Variants in SLCO5A1 observed in about 807,000 individuals in gnomAD.
SLCO5A1 encodes solute carrier organic anion transporter family member 5A1.
A neutral mutation model predicts 65.1 loss-of-function variants in SLCO5A1; 39 were observed. The ratio of observed to expected loss-of-function variants is 0.60; its 90% CI spans 0.46 to 0.78. SLCO5A1 has a LOEUF of 0.78. Ranked by LOEUF, SLCO5A1 falls within the 30% of genes least tolerant of loss-of-function variation. The pLI is 0.00. For synonymous variants in SLCO5A1, 438 were observed against 415.7 expected, an observed-to-expected ratio of 1.05 and a Z score of -0.65; for missense variants, 1,029 against 1,069.4, an observed-to-expected ratio of 0.96 and a Z score of 0.53.
At chr8:69,802,113 G>A (rs1460199911) in intron 2 of SLCO5A1, among the ~76,000 whole-genome samples, 3 of 152,064 alleles carry the variant, frequency 2.0e-5, no homozygotes, top group Non-Finnish European at 4.4e-5. Flanking sequence ...TCATGGTCAC[G>A]TAAATTTGAG....
At chr8:69,728,996 G>A (rs1391280511) in intron 5 of SLCO5A1, among the ~76,000 whole-genome samples, 1 of 152,138 alleles carries the variant, frequency 6.6e-6, no homozygotes, top group Non-Finnish European at 1.5e-5. Flanking sequence ...ATATACGACT[G>A]ATCCGAGGTC....
At chr8:69,742,950 G>C (rs1402318986) in intron 4 of SLCO5A1, among the ~76,000 whole-genome samples, 7 of 151,880 alleles carry the variant, frequency 4.6e-5, no homozygotes, top group Non-Finnish European at 1.0e-4. Flanking sequence ...ACAGACACTT[G>C]CCACCATGCC....
intron 2 of SLCO5A1, among the ~76,000 whole-genome samples, chr8:69,819,510 GC>G (rs947630664): frequency 1.3e-5 from 2 of 152,160 alleles, no homozygotes; most frequent in African/African-American, 4.8e-5. Flanking sequence ...TGATATTTTG[GC>G]CTCCATGTGC....
At position 69,679,502 on chromosome 8, in the gene SLCO5A1, C is replaced by T. The variant is rs1388157571; in HGVS notation, c.1900G>A (p.Gly634Ser). 6.2e-6 allele frequency: 10 copies of T among 1,614,066 alleles called. No homozygotes were observed. The highest frequency in any genetic ancestry group is 8.5e-6 in the Non-Finnish European group (10 of 1,180,052). ...VIVKTYLNEN[G>S]YAVSGKCKRT... Reference sequence around the variant, plus strand: ...TTACATTTCCCAGACACAGCATAGCCGTTCTCATTGAGATAAGTCTTGACA... The same window carrying T: ...TTACATTTCCCAGACACAGCATAGCTGTTCTCATTGAGATAAGTCTTGACA... Residue 634 changes from glycine to serine, a missense_variant, in exon 8 of 10, where the codon GGC (glycine) becomes AGC (serine). Coordinates refer to ENST00000260126, the MANE Select transcript of SLCO5A1 (RefSeq NM_030958.3).
At chr8:69,784,439 G>A (rs756931147) in intron 2 of SLCO5A1, among the ~76,000 whole-genome samples, 1 of 152,260 alleles carries the variant, frequency 6.6e-6, no homozygotes, top group South Asian at 2.1e-4. Flanking sequence ...CATCGCTGGT[G>A]GGAATGCATA....
rs536971855 is a variant in SLCO5A1 at position 69,779,184 on chromosome 8, G to A, written c.908-17309C>T. Among the ~76,000 whole-genome samples the A allele has an allele frequency of 3.0e-3, 461 of 152,174 alleles. 4 individuals are homozygous for A. Among genetic ancestry groups the A allele is most frequent in the African/African-American group, 0.011 (437 of 41,536 alleles). ...CAGTCTTTTATTAAGCATTTACTGTGTTCCAGGTATCAGCAAAATGTTTGC... is the reference window on the plus strand; with the variant it reads ...CAGTCTTTTATTAAGCATTTACTGTATTCCAGGTATCAGCAAAATGTTTGC... On this transcript the variant is annotated intron_variant, in intron 2 of 9. Transcript: ENST00000260126.
intron 2 of SLCO5A1, among the ~76,000 whole-genome samples, chr8:69,796,477 G>T (rs28765504): frequency 1.3e-5 from 2 of 151,912 alleles, no homozygotes; most frequent in African/African-American, 4.8e-5. Flanking sequence ...TTAGCCAGGC[G>T]TGGTGGCATA....
intron 6 of SLCO5A1, among the ~76,000 whole-genome samples, chr8:69,699,140 T>G (rs1814617906): frequency 6.6e-6 from 1 of 152,194 alleles, no homozygotes; most frequent in South Asian, 2.1e-4. Context: ...CGACACAATT[T>G]TAAGCAAATT....
In SLCO5A1 at chr8:69,672,988, G is replaced by A. The variant is rs150778647; in HGVS notation, c.2428C>T (p.Leu810=). Residue 810 remains leucine (L), a synonymous_variant, in exon 10 of 10, where the codon CTG becomes TTG. Transcript: ENST00000260126. ...GCTGCGCACTGGATCCCTTTTTGCAGGCCAGTCTCTTCGTGGAATTCTCCC... is the reference window on the plus strand; with the variant it reads ...GCTGCGCACTGGATCCCTTTTTGCAAGCCAGTCTCTTCGTGGAATTCTCCC... The part of the protein sequence containing the change: ...TQGEFHEETG[L]QKGIQCAAQT... The A allele has an allele frequency of 2.0e-3, 3,233 of 1,614,070 alleles. 5 individuals are homozygous for A. The highest frequency in any genetic ancestry group is 2.5e-3 in the Non-Finnish European group (2,956 of 1,180,040).
chr8:69,673,581 C>T (rs958460309), intron 9 of SLCO5A1, among the ~76,000 whole-genome samples: 2 of 152,040 alleles, frequency 1.3e-5, no homozygotes, highest in Admixed American at 1.3e-4. Context: ...ATCAAATCAA[C>T]ATGTTGTACC....
At chr8:69,712,833 CTT>C (rs1815333286) in intron 5 of SLCO5A1, among the ~76,000 whole-genome samples, 1 of 150,912 alleles carries the variant, frequency 6.6e-6, no homozygotes, top group African/African-American at 2.4e-5. Context: ...TCTTATATAA[CTT>C]TGAATTTATT....
At chr8:69,811,311 A>G (rs1234672368) in intron 2 of SLCO5A1, among the ~76,000 whole-genome samples, 1 of 152,200 alleles carries the variant, frequency 6.6e-6, no homozygotes, top group Non-Finnish European at 1.5e-5. Flanking sequence ...CGCCTGTCGT[A>G]ATTACCAGAA....
intron 5 of SLCO5A1, among the ~76,000 whole-genome samples, chr8:69,712,328 G>T (rs1815305233): frequency 6.6e-6 from 1 of 152,034 alleles, no homozygotes; most frequent in Non-Finnish European, 1.5e-5. Context: ...TTTTATTCTG[G>T]ACCCCAATTT....
intron 2 of SLCO5A1, among the ~76,000 whole-genome samples, chr8:69,828,016 G>C (rs1308026575): frequency 1.3e-5 from 2 of 152,164 alleles, no homozygotes; most frequent in Non-Finnish European, 2.9e-5. Context: ...GGAAGCTCGA[G>C]GGCCCTGGGG....
chr8:69,697,331 A>G (rs997821109), intron 6 of SLCO5A1, among the ~76,000 whole-genome samples: 16 of 152,302 alleles, frequency 1.1e-4, no homozygotes, highest in African/African-American at 3.9e-4. Flanking sequence ...TGGAGGTTGC[A>G]GTGAGCCGAG....
At chr8:69,719,907 G>A (rs1586723440) in intron 5 of SLCO5A1, among the ~76,000 whole-genome samples, 2 of 152,176 alleles carry the variant, frequency 1.3e-5, no homozygotes, top group Non-Finnish European at 1.5e-5. Flanking sequence ...ACACATGTCC[G>A]CTGAGCCGGT....
At chr8:69,717,274 T>C (rs1413143037) in intron 5 of SLCO5A1, among the ~76,000 whole-genome samples, 1 of 152,222 alleles carries the variant, frequency 6.6e-6, no homozygotes, top group African/African-American at 2.4e-5. Context: ...GCTTTTTGTA[T>C]GTGGTATGAG....
intron 4 of SLCO5A1, among the ~76,000 whole-genome samples, chr8:69,744,822 A>C (rs997384445): frequency 2.0e-5 from 3 of 152,244 alleles, no homozygotes. Flanking sequence ...AGAGCTAAGA[A>C]AGCATAAGTC....
intron 5 of SLCO5A1, 79 bp from the exon 6 acceptor site, chr8:69,705,308 G>A (rs1814921468): frequency 7.1e-7 from 1 of 1,398,696 alleles, no homozygotes; most frequent in Non-Finnish European, 9.9e-7. Flanking sequence ...CTCTTGCTCA[G>A]TAGTACTGAG....
Sources: allele counts gnomAD v4.1 joint callset (sites outside exome capture counted in the v4.1 genomes callset), GRCh38; gene constraint gnomAD v4.1.1; transcripts MANE v1.5; gene names NCBI Gene and HGNC (gene_info 2026-07-23, HGNC 2026-07-21).